The following ALOX5AP variants were observed in gnomAD, a reference collection of about 807,000 sequenced individuals.
The protein encoded by ALOX5AP is arachidonate 5-lipoxygenase activating protein.
In ALOX5AP, 9 loss-of-function variants were observed where a neutral mutation model predicts 18.5. That is an observed-to-expected ratio of 0.49 (90% CI 0.29 to 0.85). The LOEUF is 0.85. Among genes scored for constraint, ALOX5AP ranks in the 40% least tolerant of loss-of-function variants. The probability of loss-of-function intolerance (pLI) is 0.08; values close to 1 mark genes in which losing one functional copy is unlikely to be tolerated. For missense variants in ALOX5AP, 172 were observed against 202.5 expected, an observed-to-expected ratio of 0.85 and a Z score of 0.91; for synonymous variants, 81 against 78.6, an observed-to-expected ratio of 1.03 and a Z score of -0.16.
chr13:30,748,264 G>T (rs17074966), intron 2 of ALOX5AP, among the ~76,000 whole-genome samples: 1 of 152,190 alleles, frequency 6.6e-6, no homozygotes, highest in East Asian at 1.9e-4. Flanking sequence ...TTATTTAAAG[G>T]TGATAGGTCT....
At chr13:30,738,212 G>T (rs1379168651) in intron 1 of ALOX5AP, among the ~76,000 whole-genome samples, 1 of 152,208 alleles carries the variant, frequency 6.6e-6, no homozygotes, top group Non-Finnish European at 1.5e-5. Context: ...GATTTTCTGT[G>T]ATTGGGCAGA....
chr13:30,736,852 T>C (rs1446765750), intron 1 of ALOX5AP, among the ~76,000 whole-genome samples: 1 of 152,254 alleles, frequency 6.6e-6, no homozygotes, highest in Non-Finnish European at 1.5e-5. Flanking sequence ...CACCATTTTC[T>C]TGAGCCATTA....
chr13:30,725,019 A>G (rs1951628217), intron 1 of ALOX5AP, among the ~76,000 whole-genome samples: 1 of 152,220 alleles, frequency 6.6e-6, no homozygotes, highest in South Asian at 2.1e-4. Context: ...CAAAGTGGCT[A>G]GCTGAGGCAC....
rs59980433 is a variant in ALOX5AP, at chr13:30,741,103, C to CTTTTTTTTTT, written c.71-2931_71-2922dup. On this transcript the variant is annotated intron_variant, in intron 1 of 4. Transcript: ENST00000380490. Reference sequence around the variant, plus strand: ...TTAACCTACACACATCCTCCATATCCTTTTTTTTTTTTTTTTTTTTTTTTT... The same window carrying CTTTTTTTTTT: ...TTAACCTACACACATCCTCCATATCCTTTTTTTTTTTTTTTTTTTTTTTTTTTTTTTTTTT... Among the ~76,000 whole-genome samples, 231 of 64,000 alleles carry CTTTTTTTTTT rather than the reference C, an allele frequency of 3.6e-3. 22 individuals carry two copies. The highest frequency in any genetic ancestry group is 0.016 in the Middle Eastern group (1 of 64). 42.0% of individuals were successfully genotyped at this position (64,000 alleles called of 152,430 possible). A position where few individuals can be genotyped will look rare whatever the true frequency, so the allele number is the denominator to read the frequency against.
chr13:30,748,204 C>G (rs1951824602), intron 2 of ALOX5AP, among the ~76,000 whole-genome samples: 1 of 152,096 alleles, frequency 6.6e-6, no homozygotes, highest in Non-Finnish European at 1.5e-5. Flanking sequence ...CAGACGTGAG[C>G]CACTGGTGCC....
intron 4 of ALOX5AP, among the ~76,000 whole-genome samples, chr13:30,762,306 T>C (rs1951948228): frequency 1.3e-5 from 2 of 152,118 alleles, no homozygotes; most frequent in Admixed American, 1.3e-4. Context: ...AATTATGAGT[T>C]GGCTGGGCGT....
upstream of ALOX5AP, among the ~76,000 whole-genome samples, chr13:30,733,308 A>G (rs141591815): frequency 6.6e-6 from 1 of 152,284 alleles, no homozygotes; most frequent in Non-Finnish European, 1.5e-5. Flanking sequence ...TTTTGCTTAA[A>G]CTAGTTTGAG....
chr13:30,754,598 C>T (rs1244531225), intron 3 of ALOX5AP, among the ~76,000 whole-genome samples: 1 of 152,214 alleles, frequency 6.6e-6, no homozygotes, highest in Non-Finnish European at 1.5e-5. Context: ...TATGATTCCA[C>T]CTAACATCTG....
intron 1 of ALOX5AP, among the ~76,000 whole-genome samples, chr13:30,720,236 T>C (rs961347409): frequency 6.6e-6 from 1 of 152,232 alleles, no homozygotes; most frequent in African/African-American, 2.4e-5. Flanking sequence ...TCTAATATGA[T>C]ACGCTGTCGG....
intron 1 of ALOX5AP, among the ~76,000 whole-genome samples, chr13:30,740,878 G>A (rs994230250): frequency 6.6e-5 from 10 of 152,192 alleles, no homozygotes; most frequent in African/African-American, 2.2e-4. Flanking sequence ...GAAGGGGCTC[G>A]GTTCTCTGAG....
At chr13:30,757,505 G>A (rs1951906006) in intron 4 of ALOX5AP, among the ~76,000 whole-genome samples, 1 of 151,974 alleles carries the variant, frequency 6.6e-6, no homozygotes, top group Admixed American at 6.6e-5. Flanking sequence ...TTTTGCCCTG[G>A]AAAACCTCTA....
At chr13:30,741,553 C>G (rs1190305807) in intron 1 of ALOX5AP, among the ~76,000 whole-genome samples, 3 of 5,488 alleles carry the variant, frequency 5.5e-4, no homozygotes, top group Middle Eastern at 0.033. Flanking sequence ...CCTCCCCACC[C>G]CCACCCCCCA....
chr13:30,714,904 C>G (rs9579637), intron 1 of ALOX5AP, among the ~76,000 whole-genome samples: 26,837 of 152,104 alleles, frequency 0.18, 3,462 homozygotes, highest in African/African-American at 0.35. Flanking sequence ...ATCATATTAC[C>G]CACTGTACTC....
Position 30,713,592 on chromosome 13 carries a change from C to G in ALOX5AP, c.-134C>G, listed in dbSNP as rs929890583. 3 of 664,296 alleles carry G rather than the reference C, an allele frequency of 4.5e-6. No individual in the cohort carries two copies. The African/African-American group carries it at 5.4e-5, about 12-fold the overall frequency. The allele number at this position is 664,296 out of a possible 1,614,324, so 41.2% of individuals were successfully genotyped here. Reference sequence around the variant, plus strand: ...TGCATGGCCTGATTCCTGCACCCCACCTTTGCCCCCTCACACCTCCTCTCA... The same window carrying G: ...TGCATGGCCTGATTCCTGCACCCCAGCTTTGCCCCCTCACACCTCCTCTCA... On this transcript the variant is annotated 5_prime_UTR_variant, in exon 1 of 6. Coordinates refer to the ALOX5AP transcript ENST00000617770.
chr13:30,737,173 C>T (rs1465499788), intron 1 of ALOX5AP, among the ~76,000 whole-genome samples: 1 of 152,254 alleles, frequency 6.6e-6, no homozygotes, highest in African/African-American at 2.4e-5. Flanking sequence ...CCTTGTGCCC[C>T]CTCCCTGCCT....
intron 1 of ALOX5AP, among the ~76,000 whole-genome samples, chr13:30,722,468 C>A (rs980220959): frequency 5.3e-5 from 8 of 152,116 alleles, no homozygotes; most frequent in Non-Finnish European, 2.9e-5. Context: ...GATATTAACA[C>A]TAACTGGGTC....
upstream of ALOX5AP, among the ~76,000 whole-genome samples, chr13:30,734,849 C>T (rs542308956): frequency 7.2e-5 from 11 of 152,254 alleles, no homozygotes; most frequent in African/African-American, 2.4e-4. Context: ...CTCCCCACTG[C>T]CATTTATTCC....
At chr13:30,757,688 T>C (rs1200331761) in intron 4 of ALOX5AP, among the ~76,000 whole-genome samples, 4 of 152,118 alleles carry the variant, frequency 2.6e-5, no homozygotes, top group Non-Finnish European at 5.9e-5. Context: ...CACCACTTGC[T>C]TGAGATCCTA....
intron 4 of ALOX5AP, among the ~76,000 whole-genome samples, chr13:30,758,621 T>A (rs1951916062): frequency 6.6e-6 from 1 of 152,202 alleles, no homozygotes; most frequent in Non-Finnish European, 1.5e-5. Flanking sequence ...CCCTTTTTAA[T>A]GCCCTCTAGA....
Sources: allele counts gnomAD v4.1 joint callset (sites outside exome capture counted in the v4.1 genomes callset), GRCh38; gene constraint gnomAD v4.1.1; transcripts MANE v1.5; gene names NCBI Gene and HGNC (gene_info 2026-07-23, HGNC 2026-07-21).